TMOD1: variants seen among roughly 807,000 people sequenced by gnomAD.
TMOD1 encodes the protein tropomodulin 1.
In TMOD1, 17 loss-of-function variants were observed where a neutral mutation model predicts 40.6. The ratio of observed to expected loss-of-function variants is 0.42; its 90% confidence interval spans 0.29 to 0.63. TMOD1 has a LOEUF of 0.63. TMOD1 is among the 20% of genes least tolerant of loss of function. The probability of loss-of-function intolerance (pLI) is 0.22; values close to 1 mark genes in which losing one functional copy is unlikely to be tolerated. For missense variants in TMOD1, 391 were observed against 447.6 expected (o/e 0.87, Z 1.14); for synonymous variants, 181 against 175.0 (o/e 1.03, Z -0.27).
intron 2 of TMOD1, among the ~76,000 whole-genome samples, chr9:97,529,534 T>TAA (rs546481120): frequency 7.2e-6 from 1 of 138,818 alleles, no homozygotes; most frequent in Non-Finnish European, 1.6e-5. Context: ...TTGTGCACGT[T>TAA]AAAAAAAAAA....
intron 1 of TMOD1, among the ~76,000 whole-genome samples, chr9:97,523,504 C>T (rs1183577844): frequency 1.3e-5 from 2 of 152,168 alleles, no homozygotes; most frequent in Non-Finnish European, 2.9e-5. Context: ...CTAGTAGTGT[C>T]GTTTGGGTAA....
At chr9:97,542,866 A>G (rs567724844) in intron 2 of TMOD1, among the ~76,000 whole-genome samples, 83 of 151,714 alleles carry the variant, frequency 5.5e-4, no homozygotes, top group African/African-American at 1.9e-3. Flanking sequence ...AAAAAAAAAA[A>G]AGGAAGAAAA....
intron 8 of TMOD1, among the ~76,000 whole-genome samples, chr9:97,573,235 T>G (rs967579963): frequency 6.6e-6 from 1 of 152,150 alleles, no homozygotes; most frequent in African/African-American, 2.4e-5. Flanking sequence ...AGAGCTGCTC[T>G]TCCCCAGGAC....
intron 1 of TMOD1, among the ~76,000 whole-genome samples, chr9:97,504,327 C>T (rs1349759912): frequency 6.6e-6 from 1 of 151,988 alleles, no homozygotes; most frequent in East Asian, 1.9e-4. Flanking sequence ...CTTCTTCAGG[C>T]TGTAGGCTGA....
At chr9:97,529,835 A>G (rs1830071862) in intron 2 of TMOD1, among the ~76,000 whole-genome samples, 1 of 152,236 alleles carries the variant, frequency 6.6e-6, no homozygotes, top group Non-Finnish European at 1.5e-5. Context: ...GGAGCAGTGT[A>G]CAGTTTTCAT....
At chr9:97,584,307 A>G (rs1357863016) in intron 8 of TMOD1, among the ~76,000 whole-genome samples, 1 of 152,060 alleles carries the variant, frequency 6.6e-6, no homozygotes, top group East Asian at 1.9e-4. Context: ...GCAGTTGAGC[A>G]GTTTTGAGTG....
chr9:97,560,928 AG>A lies in TMOD1; in HGVS notation c.398-1801del, dbSNP rs528746849. On this transcript the variant is annotated intron_variant, in intron 4 of 9. Coordinates refer to ENST00000259365, the MANE Select transcript of TMOD1 (RefSeq NM_003275.4). ...GTGGGTGCAGAGAATCACCAGCAGAAGGGAGAGTACTAGCAAAAGCAGGAGC... is the reference window on the plus strand; with the variant it reads ...GTGGGTGCAGAGAATCACCAGCAGAAGGAGAGTACTAGCAAAAGCAGGAGC... Among the ~76,000 whole-genome samples, 6 of 152,242 alleles carry A rather than the reference AG, an allele frequency of 3.9e-5. No individual in the cohort carries two copies. In the East Asian group the frequency reaches 1.2e-3, roughly 29 times the overall value.
At chr9:97,548,754 T>C (rs1830405412) in intron 3 of TMOD1, among the ~76,000 whole-genome samples, 2 of 152,234 alleles carry the variant, frequency 1.3e-5, no homozygotes, top group South Asian at 4.1e-4. Context: ...TTAGCATTCA[T>C]TCTACTTCCA....
intron 1 of TMOD1, among the ~76,000 whole-genome samples, chr9:97,509,719 C>G (rs1416318736): frequency 6.6e-6 from 1 of 151,864 alleles, no homozygotes; most frequent in Non-Finnish European, 1.5e-5. Flanking sequence ...TGGTCTTGAA[C>G]TGAAAAAGGG....
intron 8 of TMOD1, among the ~76,000 whole-genome samples, chr9:97,577,550 G>A (rs913921436): frequency 8.5e-5 from 13 of 152,164 alleles, no homozygotes; most frequent in Non-Finnish European, 1.8e-4. Flanking sequence ...CACTTTGGGA[G>A]GCTGAGGTGG....
chr9:97,583,838 G>A (rs1309026240), intron 8 of TMOD1, among the ~76,000 whole-genome samples: 290 of 146,036 alleles, frequency 2.0e-3, no homozygotes, highest in Non-Finnish European at 3.4e-3. Context: ...CTGTGGGATC[G>A]GTGGTGATAT....
At chr9:97,575,743 C>A (rs1563995970) in intron 8 of TMOD1, among the ~76,000 whole-genome samples, 1 of 152,160 alleles carries the variant, frequency 6.6e-6, no homozygotes, top group African/African-American at 2.4e-5. Context: ...TCAGAGCCAC[C>A]GGCTCCAGGA....
At chr9:97,520,540 G>A (rs1335308445) in intron 1 of TMOD1, among the ~76,000 whole-genome samples, 1 of 152,110 alleles carries the variant, frequency 6.6e-6, no homozygotes, top group African/African-American at 2.4e-5. Flanking sequence ...CGATGAGTGT[G>A]GCTTGAAACT....
rs186348532 is a variant in TMOD1 at position 97,576,830 on chromosome 9, C to G, written c.870+7793C>G. ...TTTTTTTGTATTTTTTAGTAGAGAC[C>G]GGGTTTCACCATGTTAGCCAGGATG... On this transcript the variant is annotated intron_variant, in intron 8 of 9. Transcript: ENST00000259365. Among the ~76,000 whole-genome samples the G allele has an allele frequency of 6.6e-5, 10 of 151,748 alleles. No homozygotes were observed. In the South Asian group the frequency reaches 8.4e-4, roughly 13 times the overall value.
At chr9:97,518,959 C>T (rs1300724831) in intron 1 of TMOD1, among the ~76,000 whole-genome samples, 3 of 152,226 alleles carry the variant, frequency 2.0e-5, no homozygotes, top group African/African-American at 4.8e-5. Flanking sequence ...CCTTCCCATC[C>T]TCAAGATGTT....
At chr9:97,529,341 C>T (rs1244939518) in intron 2 of TMOD1, among the ~76,000 whole-genome samples, 1 of 152,088 alleles carries the variant, frequency 6.6e-6, no homozygotes, top group Non-Finnish European at 1.5e-5. Flanking sequence ...CTTGGAAGCC[C>T]CCTCTAGCTC....
Position 97,574,835 on chromosome 9 carries a change from C to G in TMOD1, c.870+5798C>G, listed in dbSNP as rs142397155. Reference sequence around the variant, plus strand: ...GACATGGAGAACTTTTGTGTCCACACTCTGTATCTAGCTAATCTAGTGGGG... The same window carrying G: ...GACATGGAGAACTTTTGTGTCCACAGTCTGTATCTAGCTAATCTAGTGGGG... On this transcript the variant is annotated intron_variant, in intron 8 of 9. Coordinates refer to ENST00000259365, the MANE Select transcript of TMOD1 (RefSeq NM_003275.4). Among the ~76,000 whole-genome samples the G allele has an allele frequency of 3.3e-5, 5 of 152,300 alleles. No individual in the cohort carries two copies. In the East Asian group the frequency reaches 9.6e-4, roughly 29 times the overall value.
At chr9:97,509,520 T>TG (rs896876303) in intron 1 of TMOD1, among the ~76,000 whole-genome samples, 3 of 54,236 alleles carry the variant, frequency 5.5e-5, no homozygotes, top group African/African-American at 1.7e-4. Flanking sequence ...TTGTTTTTTG[T>TG]TTTTTTTTTA....
At chr9:97,580,385 T>A (rs1587956789) in intron 8 of TMOD1, among the ~76,000 whole-genome samples, 1 of 152,200 alleles carries the variant, frequency 6.6e-6, no homozygotes, top group Non-Finnish European at 1.5e-5. Flanking sequence ...GACGGGTGGA[T>A]CACTTGAGGC....
Sources: gnomAD v4.1 joint callset for allele counts (sites outside exome capture counted in the v4.1 genomes callset) on GRCh38, gnomAD v4.1.1 for gene constraint, MANE v1.5 for transcripts, NCBI Gene and HGNC (gene_info 2026-07-23, HGNC 2026-07-21) for gene names.